GABRG2: variants seen among roughly 807,000 people sequenced by gnomAD.
GABRG2 encodes gamma-aminobutyric acid type A receptor subunit gamma2, also known as gamma-aminobutyric acid receptor subunit gamma-2.
GABRG2 carries 16 observed loss-of-function variants against 56.4 expected under a neutral mutation model. The ratio of observed to expected loss-of-function variants is 0.28; its 90% CI spans 0.19 to 0.43. The LOEUF is 0.43. GABRG2 is among the 20% of genes least tolerant of loss of function. The pLI is 1.00. For synonymous variants in GABRG2, 208 were observed against 205.5 expected, an observed-to-expected ratio of 1.01 and a Z score of -0.10; for missense variants, 327 against 582.7, an observed-to-expected ratio of 0.56 and a Z score of 4.52.
intron 6 of GABRG2, among the ~76,000 whole-genome samples, chr5:162,120,153 C>T (rs1762887498): frequency 6.6e-6 from 1 of 152,140 alleles, no homozygotes; most frequent in Non-Finnish European, 1.5e-5. Context: ...GCCAACTTAA[C>T]ATTAAATCAG....
At chr5:162,108,994 A>G (rs1472849532) in intron 6 of GABRG2, among the ~76,000 whole-genome samples, 5 of 152,080 alleles carry the variant, frequency 3.3e-5, no homozygotes, top group Admixed American at 6.6e-5. Context: ...CATGATTTAT[A>G]TTTCTTTGGG....
At chr5:162,090,334 T>TACACAC (rs1359111812) in intron 1 of GABRG2, among the ~76,000 whole-genome samples, 1 of 151,684 alleles carries the variant, frequency 6.6e-6, no homozygotes, top group Non-Finnish European at 1.5e-5. Flanking sequence ...ACCATACACA[T>TACACAC]ACACATACAC....
At chr5:162,089,483 A>G (rs552083796) in intron 1 of GABRG2, among the ~76,000 whole-genome samples, 102 of 152,298 alleles carry the variant, frequency 6.7e-4, no homozygotes, top group Non-Finnish European at 1.2e-3. Context: ...GGTCAAAGAT[A>G]TCATTTTCCC....
intron 6 of GABRG2, among the ~76,000 whole-genome samples, chr5:162,111,739 T>A (rs891038540): frequency 2.0e-5 from 3 of 152,162 alleles, no homozygotes; most frequent in Non-Finnish European, 1.5e-5. Context: ...TTCAAGGATA[T>A]TCAATGGGTA....
intron 6 of GABRG2, 100 bp from the exon 7 acceptor site, chr5:162,142,064 A>T: frequency 7.1e-7 from 1 of 1,410,060 alleles, no homozygotes; most frequent in Non-Finnish European, 1.0e-6. Context: ...GAAAACTCTT[A>T]ATTTAAATGT....
chr5:162,092,976 G>A (rs1432744615), intron 1 of GABRG2, among the ~76,000 whole-genome samples: 1 of 152,096 alleles, frequency 6.6e-6, no homozygotes, highest in Admixed American at 6.6e-5. Context: ...TTGGGTTAGG[G>A]GGAGAGGTAA....
chr5:162,100,878 C>T (rs1022624111), intron 4 of GABRG2, among the ~76,000 whole-genome samples: 1 of 152,108 alleles, frequency 6.6e-6, no homozygotes, highest in Non-Finnish European at 1.5e-5. Context: ...AAACAGTAAA[C>T]GAGCTTAAGT....
rs147074725 is a variant in GABRG2 at position 162,097,568 on chromosome 5, A to T, written c.328-70A>T. On this transcript the variant is annotated intron_variant, in intron 3 of 9. Transcript: ENST00000639213. ...CATATTGGCAAAGAAAACAGGAATG[A>T]AATATACCAATATTTAAAAAGATAA... is the stretch of plus-strand genomic sequence containing the variant. The T allele has an allele frequency of 1.3e-4, 155 of 1,179,456 alleles. No individual in the cohort carries two copies. In the African/African-American group the frequency reaches 2.2e-3, roughly 17 times the overall value. The allele number at this position is 1,179,456 out of a possible 1,614,324, so 73.1% of individuals were successfully genotyped here.
rs535506587 is a variant in GABRG2 at position 162,107,941 on chromosome 5, C to T, written c.769+3915C>T. On this transcript the variant is annotated intron_variant, in intron 6 of 9. Transcript: ENST00000639213. Reference sequence around the variant, plus strand: ...GTCAGTAGCTTATTAAGTTATGTGCCTGCTGTCAATTTCTCTCTCATCTCC... The same window carrying T: ...GTCAGTAGCTTATTAAGTTATGTGCTTGCTGTCAATTTCTCTCTCATCTCC... 2.6e-5 allele frequency among the ~76,000 whole-genome samples: 4 copies of T among 152,284 alleles called. No homozygotes were observed. The East Asian group carries it at 7.7e-4, about 29-fold the overall frequency.
chr5:162,082,424 T>C (rs1359864430), intron 1 of GABRG2, among the ~76,000 whole-genome samples: 1 of 151,814 alleles, frequency 6.6e-6, no homozygotes, highest in Non-Finnish European at 1.5e-5. Context: ...TCTTCTATTA[T>C]ATAAACCTTT....
chr5:162,105,960 A>G (rs898435540), intron 6 of GABRG2, among the ~76,000 whole-genome samples: 1 of 151,918 alleles, frequency 6.6e-6, no homozygotes, highest in South Asian at 2.1e-4. Flanking sequence ...GAACCCACAA[A>G]CTCGTGACTA....
chr5:162,116,115 T>C (rs1413592636), intron 6 of GABRG2, among the ~76,000 whole-genome samples: 3 of 96,176 alleles, frequency 3.1e-5, no homozygotes, highest in East Asian at 9.5e-4. Context: ...CGTGCATGTG[T>C]GTGTGTGTGT....
intron 1 of GABRG2, among the ~76,000 whole-genome samples, chr5:162,072,195 C>T (rs1229669363): frequency 2.0e-5 from 3 of 151,778 alleles, no homozygotes; most frequent in Non-Finnish European, 2.9e-5. Flanking sequence ...CAAGGATTTC[C>T]GTTCAGATTG....
At chr5:162,116,076 C>A (rs1045340707) in intron 6 of GABRG2, among the ~76,000 whole-genome samples, 1 of 149,656 alleles carries the variant, frequency 6.7e-6, no homozygotes, top group Non-Finnish European at 1.5e-5. Flanking sequence ...AGTCTGATTC[C>A]AATTATGAAT....
At chr5:162,117,282 A>G (rs142897633) in intron 6 of GABRG2, among the ~76,000 whole-genome samples, 254 of 152,304 alleles carry the variant, frequency 1.7e-3, no homozygotes, top group African/African-American at 5.7e-3. Context: ...CCTGTACTAA[A>G]TTCAATTTTA....
At chr5:162,105,430 A>ATTTTTTTTTT (rs1319420213) in intron 6 of GABRG2, among the ~76,000 whole-genome samples, 5 of 43,996 alleles carry the variant, frequency 1.1e-4, no homozygotes, top group Admixed American at 2.9e-4. Flanking sequence ...TAGTAGAACA[A>ATTTTTTTTTT]TCTTTTTTTT....
At chr5:162,141,129 C>T (rs554182357) in intron 6 of GABRG2, among the ~76,000 whole-genome samples, 2 of 152,136 alleles carry the variant, frequency 1.3e-5, no homozygotes, top group South Asian at 2.1e-4. Context: ...CTCCGCCTCC[C>T]GGGTTCACGC....
intron 7 of GABRG2, among the ~76,000 whole-genome samples, chr5:162,145,300 G>A (rs935544915): frequency 1.3e-5 from 2 of 152,168 alleles, no homozygotes; most frequent in African/African-American, 4.8e-5. Flanking sequence ...CTGGTGTAGT[G>A]ACAATGAATG....
intron 1 of GABRG2, among the ~76,000 whole-genome samples, chr5:162,076,690 C>T (rs1008021539): frequency 6.6e-6 from 1 of 152,096 alleles, no homozygotes; most frequent in Non-Finnish European, 1.5e-5. Flanking sequence ...CAGGTTGCTA[C>T]TCTTGATGGT....
Sources: gnomAD v4.1 joint callset for allele counts (sites outside exome capture counted in the v4.1 genomes callset) on GRCh38, gnomAD v4.1.1 for gene constraint, MANE v1.5 for transcripts, NCBI Gene and HGNC (gene_info 2026-07-23, HGNC 2026-07-21) for gene names.